The following LRRTM4 variants were observed in gnomAD, a reference collection of about 807,000 sequenced individuals.
LRRTM4 encodes the protein leucine rich repeat transmembrane neuronal 4, also known as leucine-rich repeat transmembrane neuronal protein 4.
Under a neutral mutation model 47.6 loss-of-function variants are expected in LRRTM4, and 25 were observed. The observed-to-expected ratio is 0.53, with a 90% confidence interval of 0.38 to 0.73. The LOEUF (loss-of-function observed/expected upper bound fraction) is 0.73, where lower values mean the gene tolerates loss of function less well. Ranked by LOEUF, LRRTM4 falls within the 30% of genes least tolerant of loss-of-function variation. The pLI, the probability that LRRTM4 is intolerant of heterozygous loss-of-function variation, is 0.00. For missense variants in LRRTM4, 638 were observed against 713.4 expected, an observed-to-expected ratio of 0.89 and a Z score of 1.20; for synonymous variants, 311 against 269.5, an observed-to-expected ratio of 1.15 and a Z score of -1.51.
At chr2:76,970,221 A>T (rs770842750) in intron 3 of LRRTM4, among the ~76,000 whole-genome samples, 1 of 152,014 alleles carries the variant, frequency 6.6e-6, no homozygotes, top group Non-Finnish European at 1.5e-5. Flanking sequence ...GGTAAAACGG[A>T]TAGAATATTT....
intron 3 of LRRTM4, among the ~76,000 whole-genome samples, chr2:77,029,125 G>C (rs1346725959): frequency 6.7e-6 from 1 of 149,016 alleles, no homozygotes; most frequent in Admixed American, 6.7e-5. Context: ...CACCTTTGCA[G>C]ACAGTAGAAT....
intron 3 of LRRTM4, among the ~76,000 whole-genome samples, chr2:77,432,475 A>G (rs188619196): frequency 1.3e-5 from 2 of 152,250 alleles, no homozygotes; most frequent in Admixed American, 1.3e-4. Context: ...TTAAATATAT[A>G]TTGTTTATTA....
intron 3 of LRRTM4, among the ~76,000 whole-genome samples, chr2:77,420,526 A>G (rs1674833303): frequency 6.6e-6 from 1 of 151,948 alleles, no homozygotes; most frequent in Admixed American, 6.6e-5. Context: ...TAAAATTTGC[A>G]GCACTGGAGA....
chr2:76,812,391 AGTG>A (rs1301934815), intron 3 of LRRTM4, among the ~76,000 whole-genome samples: 1 of 152,210 alleles, frequency 6.6e-6, no homozygotes, highest in East Asian at 1.9e-4. Flanking sequence ...GAGAAGGAAT[AGTG>A]GTTAACAAAT....
chr2:76,966,336 G>A (rs1341150428), intron 3 of LRRTM4, among the ~76,000 whole-genome samples: 1 of 151,278 alleles, frequency 6.6e-6, no homozygotes, highest in Non-Finnish European at 1.5e-5. Flanking sequence ...GAGGAAGTGG[G>A]AGAGAAAGAA....
At chr2:76,969,711 GTAA>G (rs1676154917) in intron 3 of LRRTM4, among the ~76,000 whole-genome samples, 1 of 151,852 alleles carries the variant, frequency 6.6e-6, no homozygotes, top group Non-Finnish European at 1.5e-5. Context: ...TAAGATACTG[GTAA>G]TAATATTTGA....
rs867239598 is a variant in LRRTM4 at position 77,048,845 on chromosome 2, A to C, written c.1552-299929T>G. Among the ~76,000 whole-genome samples, 46 of 151,658 alleles carry C rather than the reference A, an allele frequency of 3.0e-4. 1 individual carries two copies. The highest frequency in any genetic ancestry group is 1.1e-3 in the African/African-American group (45 of 41,414). The stretch of plus-strand genomic sequence containing the variant: ...TTTATCCTAAACACCCTATAGTGCT[A>C]TAGAACACTAGAACTTGTCCTTCCA... On this transcript the variant is annotated intron_variant, in intron 3 of 3. Transcript: ENST00000409884.
intron 3 of LRRTM4, among the ~76,000 whole-genome samples, chr2:77,224,855 C>T (rs1046067287): frequency 2.0e-5 from 3 of 152,060 alleles, no homozygotes; most frequent in Admixed American, 1.3e-4. Flanking sequence ...CCAGCCATCC[C>T]ATTACTGGGT....
intron 3 of LRRTM4, among the ~76,000 whole-genome samples, chr2:76,760,227 TCAGTCTA>T (rs1210751097): frequency 1.3e-5 from 2 of 152,184 alleles, no homozygotes; most frequent in African/African-American, 4.8e-5. Context: ...GCCACCGTTT[TCAGTCTA>T]CAAATATTTG....
In LRRTM4 at chr2:76,748,825, T is replaced by C; in HGVS notation, c.1643A>G (p.Lys548Arg). ...CTCTGGAGACACTGTCTCATAGCCCTTGGTGACATGGAGTGGCTGGTGGGC... is the reference window on the plus strand; with the variant it reads ...CTCTGGAGACACTGTCTCATAGCCCCTGGTGACATGGAGTGGCTGGTGGGC... Reference protein sequence around the residue: ...CQAHQPLHVTKGYETVSPEQD... With the variant: ...CQAHQPLHVTRGYETVSPEQD... The change falls in exon 4 of 4, where the codon AAG becomes AGG. Residue 548 changes from lysine to arginine, a missense_variant. By Grantham distance (26) the Lys-to-Arg change is conservative. Coordinates refer to ENST00000409884, the MANE Select transcript of LRRTM4 (RefSeq NM_001134745.3). 6.2e-7 allele frequency: 1 copy of C among 1,614,010 alleles called. No homozygotes were observed. Among genetic ancestry groups the C allele is most frequent in the Non-Finnish European group, 8.5e-7 (1 of 1,179,884 alleles).
intron 3 of LRRTM4, among the ~76,000 whole-genome samples, chr2:77,312,052 C>T (rs760927870): frequency 7.2e-5 from 11 of 152,028 alleles, no homozygotes; most frequent in Non-Finnish European, 1.5e-4. Flanking sequence ...ATAGCCCCCA[C>T]CCACTCTCCA....
chr2:77,019,078 G>C (rs1358539170), intron 3 of LRRTM4, among the ~76,000 whole-genome samples: 1 of 151,844 alleles, frequency 6.6e-6, no homozygotes, highest in African/African-American at 2.4e-5. Flanking sequence ...CCAATCTGCT[G>C]TACACTTCAC....
chr2:77,027,620 A>C (rs1465437028), intron 3 of LRRTM4, among the ~76,000 whole-genome samples: 1 of 152,192 alleles, frequency 6.6e-6, no homozygotes, highest in Non-Finnish European at 1.5e-5. Context: ...CTAAATGCAT[A>C]ATGTGCTTTC....
chr2:77,440,193 T>C (rs1675781992), intron 3 of LRRTM4, among the ~76,000 whole-genome samples: 1 of 152,110 alleles, frequency 6.6e-6, no homozygotes, highest in South Asian at 2.1e-4. Flanking sequence ...GGCGGGCAGA[T>C]CACGAGGTCA....
intron 3 of LRRTM4, among the ~76,000 whole-genome samples, chr2:77,231,414 A>C (rs1245055605): frequency 6.6e-6 from 1 of 152,224 alleles, no homozygotes; most frequent in East Asian, 1.9e-4. Context: ...AGAGATTAGC[A>C]AACTATATCT....
At chr2:77,360,055 T>A (rs544077820) in intron 3 of LRRTM4, among the ~76,000 whole-genome samples, 1 of 152,354 alleles carries the variant, frequency 6.6e-6, no homozygotes. Context: ...AGAAATCTTA[T>A]GTTTTTTAGA....
chr2:77,477,183 A>G (rs1677434339), intron 3 of LRRTM4, among the ~76,000 whole-genome samples: 1 of 152,198 alleles, frequency 6.6e-6, no homozygotes, highest in Non-Finnish European at 1.5e-5. Context: ...AGTGCACACG[A>G]TCATGATGAA....
At chr2:76,831,021 C>G (rs987467589) in intron 3 of LRRTM4, among the ~76,000 whole-genome samples, 3 of 152,070 alleles carry the variant, frequency 2.0e-5, no homozygotes, top group Non-Finnish European at 4.4e-5. Flanking sequence ...ATTACTTACT[C>G]TTAAGAATAT....
chr2:77,060,983 T>TA (rs974850519), intron 3 of LRRTM4, among the ~76,000 whole-genome samples: 30 of 152,244 alleles, frequency 2.0e-4, no homozygotes, highest in African/African-American at 6.3e-4. Context: ...GTTATATCAG[T>TA]AAAAAACACA....
Sources: gnomAD v4.1 joint callset for allele counts (sites outside exome capture counted in the v4.1 genomes callset) on GRCh38, gnomAD v4.1.1 for gene constraint, MANE v1.5 for transcripts, NCBI Gene and HGNC (gene_info 2026-07-23, HGNC 2026-07-21) for gene names.